Variants in RBFOX3 observed in about 807,000 individuals in gnomAD.
RBFOX3 encodes RNA binding fox-1 homolog 3.
A neutral mutation model predicts 48.7 loss-of-function variants in RBFOX3; 17 were observed. The ratio of observed to expected loss-of-function variants is 0.35; its 90% CI spans 0.24 to 0.52. The LOEUF (loss-of-function observed/expected upper bound fraction) is 0.52. RBFOX3 is among the 20% of genes least tolerant of loss of function. The pLI is 0.94. For missense variants in RBFOX3, 382 were observed against 497.5 expected (o/e 0.77, Z 2.21); for synonymous variants, 212 against 209.5 (o/e 1.01, Z -0.10).
intron 2 of RBFOX3, among the ~76,000 whole-genome samples, chr17:79,449,650 CTT>C (rs2073086776): frequency 2.0e-5 from 3 of 151,586 alleles, no homozygotes; most frequent in Non-Finnish European, 4.4e-5. Context: ...CACACACACA[CTT>C]TGAGTCTGGC....
chr17:79,626,249 G>C, the RBFOX3 span, among the ~76,000 whole-genome samples: 1 of 152,110 alleles, frequency 6.6e-6, no homozygotes, highest in African/African-American at 2.4e-5. Context: ...GCATCTTCTA[G>C]CAGACCCTCC....
intron 2 of RBFOX3, among the ~76,000 whole-genome samples, chr17:79,451,801 G>T (rs552952775): frequency 6.6e-6 from 1 of 152,346 alleles, no homozygotes; most frequent in East Asian, 1.9e-4. Context: ...AGATCATCAT[G>T]AGTACTGAAT....
intron 1 of RBFOX3, among the ~76,000 whole-genome samples, chr17:79,566,636 A>G (rs1251086963): frequency 6.6e-6 from 1 of 152,242 alleles, no homozygotes; most frequent in Non-Finnish European, 1.5e-5. Context: ...CTGGGTCCCC[A>G]ACAACCCAGG....
intron 1 of RBFOX3, among the ~76,000 whole-genome samples, chr17:79,604,910 G>T (rs2093792640): frequency 6.6e-6 from 1 of 152,202 alleles, no homozygotes; most frequent in Non-Finnish European, 1.5e-5. Flanking sequence ...CCAGGAATCG[G>T]CATTTGCTTG....
rs536613810 is a variant in RBFOX3, at chr17:79,402,196, G to A, written c.-175+80258C>T. ...GGGAAGGGGCTCTGCAAGGGAGGCA[G>A]GATCCACTTGGCAGCTGCTCAAATT... On this transcript the variant is annotated intron_variant, in intron 2 of 14. Coordinates refer to ENST00000693108, the MANE Select transcript of RBFOX3 (RefSeq NM_001350451.2). Among the ~76,000 whole-genome samples, 13 of 152,362 alleles carry A rather than the reference G, an allele frequency of 8.5e-5. 1 individual carries two copies. The South Asian group carries it at 2.5e-3, about 29-fold the overall frequency.
At chr17:79,155,950 A>G (rs192889049) in intron 4 of RBFOX3, among the ~76,000 whole-genome samples, 61 of 152,284 alleles carry the variant, frequency 4.0e-4, no homozygotes, top group South Asian at 1.0e-3. Flanking sequence ...GCTGCCTCCC[A>G]GGTGCGTAGC....
intron 1 of RBFOX3, among the ~76,000 whole-genome samples, chr17:79,554,674 A>G (rs1425643357): frequency 6.6e-6 from 1 of 152,270 alleles, no homozygotes; most frequent in East Asian, 1.9e-4. Flanking sequence ...GGTCTCACAC[A>G]TGGAAGGTTT....
At chr17:79,131,260 C>T (rs1190336789) in intron 4 of RBFOX3, among the ~76,000 whole-genome samples, 2 of 152,274 alleles carry the variant, frequency 1.3e-5, no homozygotes, top group African/African-American at 2.4e-5. Context: ...ATGTGTGCTC[C>T]GCTCAGTCTC....
At chr17:79,412,001 T>G (rs12453606) in intron 2 of RBFOX3, among the ~76,000 whole-genome samples, 33,205 of 152,006 alleles carry the variant, frequency 0.22, 3,753 homozygotes, top group Admixed American at 0.3. Context: ...TAAATGTGTG[T>G]GCAGCATGTA....
At chr17:79,460,275 C>T (rs1555747998) in intron 2 of RBFOX3, among the ~76,000 whole-genome samples, 1 of 152,080 alleles carries the variant, frequency 6.6e-6, no homozygotes, top group Non-Finnish European at 1.5e-5. Context: ...AATTTTACCT[C>T]ATTAAAAAAA....
the RBFOX3 span, among the ~76,000 whole-genome samples, chr17:79,656,749 A>AAG: frequency 3.5e-4 from 18 of 51,924 alleles, no homozygotes; most frequent in African/African-American, 9.7e-4. Flanking sequence ...AAAGAAAGAA[A>AAG]GAAGGAAGGA....
At position 79,214,999 on chromosome 17, in the gene RBFOX3, G is replaced by C. The variant is rs952487620; in HGVS notation, c.-34+20767C>G. 6.6e-6 allele frequency among the ~76,000 whole-genome samples: 1 copy of C among 152,098 alleles called. No homozygotes were observed. Among genetic ancestry groups the C allele is most frequent in the Non-Finnish European group, 1.5e-5 (1 of 68,012 alleles). ...ACCCGCTGGTGCTGCCCCCACACCCGTCACTCCTGCACAAGACCCAGCGGC... is the reference window on the plus strand; with the variant it reads ...ACCCGCTGGTGCTGCCCCCACACCCCTCACTCCTGCACAAGACCCAGCGGC... On this transcript the variant is annotated intron_variant, in intron 4 of 14. Coordinates refer to ENST00000693108, the MANE Select transcript of RBFOX3 (RefSeq NM_001350451.2). The surrounding 1 kb of genome is among the most constrained non-coding windows in gnomAD (Gnocchi z 4.7).
intron 2 of RBFOX3, among the ~76,000 whole-genome samples, chr17:79,387,960 A>G (rs1278546251): frequency 6.6e-6 from 1 of 151,874 alleles, no homozygotes; most frequent in African/African-American, 2.4e-5. Context: ...ATGTACATGC[A>G]TGTGTGAACG....
chr17:79,559,898 G>C (rs1025854185), intron 1 of RBFOX3, among the ~76,000 whole-genome samples: 2 of 145,366 alleles, frequency 1.4e-5, no homozygotes, highest in East Asian at 2.1e-4. Flanking sequence ...AGGTGGATGG[G>C]TGGGTGGGTG....
intron 4 of RBFOX3, among the ~76,000 whole-genome samples, chr17:79,232,546 T>C (rs1477945973): frequency 1.3e-5 from 2 of 152,222 alleles, no homozygotes; most frequent in African/African-American, 4.8e-5. Context: ...GGATGATCTT[T>C]TTAATAAGTA....
chr17:79,133,287 T>A (rs2039414001), intron 4 of RBFOX3, among the ~76,000 whole-genome samples: 1 of 152,122 alleles, frequency 6.6e-6, no homozygotes, highest in African/African-American at 2.4e-5. Flanking sequence ...CCCAGCCTTG[T>A]CCATCCATGG....
intron 1 of RBFOX3, among the ~76,000 whole-genome samples, chr17:79,552,637 G>A (rs1243939545): frequency 1.1e-4 from 17 of 152,134 alleles, no homozygotes; most frequent in African/African-American, 4.1e-4. Flanking sequence ...TGATTCCATT[G>A]TAATTCAAGA....
At chr17:79,180,547 C>A (rs2051669828) in intron 4 of RBFOX3, among the ~76,000 whole-genome samples, 1 of 152,208 alleles carries the variant, frequency 6.6e-6, no homozygotes, top group African/African-American at 2.4e-5. Flanking sequence ...TTTCTAGAGG[C>A]CTGGCCGGGT....
intron 2 of RBFOX3, among the ~76,000 whole-genome samples, chr17:79,369,537 C>T (rs2058245113): frequency 6.6e-6 from 1 of 152,196 alleles, no homozygotes. Flanking sequence ...CAGGCCTTTC[C>T]CTTCCTGCCA....
Sources: gnomAD v4.1 joint callset for allele counts (sites outside exome capture counted in the v4.1 genomes callset) on GRCh38, gnomAD v4.1.1 for gene constraint, Gnocchi (gnomAD v3.1) non-coding constraint, MANE v1.5 for transcripts, NCBI Gene and HGNC (gene_info 2026-07-23, HGNC 2026-07-21) for gene names.